The following PDE5A variants were observed in gnomAD, a reference collection of about 807,000 sequenced individuals.
The protein encoded by PDE5A is phosphodiesterase 5A.
Under a neutral mutation model 110.2 loss-of-function variants are expected in PDE5A, and 67 were observed. The observed-to-expected ratio is 0.61, with a 90% confidence interval of 0.50 to 0.75. The LOEUF is 0.75. PDE5A is among the 30% of genes least tolerant of loss of function. The pLI is 0.00. For missense variants in PDE5A, 862 were observed against 1,045.1 expected (o/e 0.82, Z 2.42); for synonymous variants, 328 against 351.2 (o/e 0.93, Z 0.74).
intron 14 of PDE5A, 42 bp from the exon 15 acceptor site, chr4:119,511,176 C>T (rs1414876938): frequency 1.7e-6 from 2 of 1,210,284 alleles, no homozygotes; most frequent in Non-Finnish European, 2.5e-6. Context: ...GATCAGTTTC[C>T]TTAATATGCC....
chr4:119,548,352 C>A (rs1359461678), intron 9 of PDE5A: 1 of 152,202 alleles, frequency 6.6e-6, no homozygotes, highest in Admixed American at 6.5e-5. Flanking sequence ...CCAGCCTTCT[C>A]CGTGTATTTT....
intron 3 of PDE5A, among the ~76,000 whole-genome samples, chr4:119,590,538 G>A (rs1344149135): frequency 6.6e-6 from 1 of 152,120 alleles, no homozygotes; most frequent in Non-Finnish European, 1.5e-5. Flanking sequence ...GAAGGGAGTA[G>A]GGAGAGGGGA....
chr4:119,590,303 C>CT (rs1200636603), intron 3 of PDE5A, among the ~76,000 whole-genome samples: 1 of 152,152 alleles, frequency 6.6e-6, no homozygotes, highest in African/African-American at 2.4e-5. Flanking sequence ...TTACTGTCTC[C>CT]TACATACAAG....
At chr4:119,531,181 C>CT (rs1726523135) in intron 11 of PDE5A, among the ~76,000 whole-genome samples, 1 of 152,250 alleles carries the variant, frequency 6.6e-6, no homozygotes, top group East Asian at 1.9e-4. Flanking sequence ...AAAGTTTACA[C>CT]TTTTTTTGTG....
chr4:119,626,125 A>T (rs1033646375), intron 1 of PDE5A, among the ~76,000 whole-genome samples: 1 of 152,210 alleles, frequency 6.6e-6, no homozygotes, highest in African/African-American at 2.4e-5. Context: ...TGCCAACATC[A>T]ACTGTAATTT....
intron 6 of PDE5A, among the ~76,000 whole-genome samples, chr4:119,561,603 CAA>C (rs1439495302): frequency 6.6e-6 from 1 of 152,002 alleles, no homozygotes; most frequent in East Asian, 1.9e-4. Context: ...GGTCATAGAG[CAA>C]AAATTACAGA....
chr4:119,538,197 A>G (rs933268249), intron 11 of PDE5A, among the ~76,000 whole-genome samples: 1 of 152,130 alleles, frequency 6.6e-6, no homozygotes, highest in African/African-American at 2.4e-5. Flanking sequence ...TGCAGTTTAC[A>G]TGAGAAGATG....
At chr4:119,589,725 T>G (rs1255971803) in intron 3 of PDE5A, among the ~76,000 whole-genome samples, 1 of 152,138 alleles carries the variant, frequency 6.6e-6, no homozygotes, top group Non-Finnish European at 1.5e-5. Flanking sequence ...TGGTAAAAAT[T>G]TTCTTATAAA....
chr4:119,625,932 C>T (rs1553931346), intron 1 of PDE5A, among the ~76,000 whole-genome samples: 1 of 152,174 alleles, frequency 6.6e-6, no homozygotes, highest in Non-Finnish European at 1.5e-5. Flanking sequence ...TCTGGCTACA[C>T]ACAAATTCTT....
In PDE5A at chr4:119,560,282, A is replaced by AT. The variant is rs1727701679; in HGVS notation, c.1199+13dup. ...ATCATGTGATAAAGACAAGTAGAGA[A>AT]TACGTGCTTTTACCTTGTTAATGTA... is the stretch of plus-strand genomic sequence containing the variant. On this transcript the variant is annotated intron_variant, in intron 7 of 20. Coordinates refer to ENST00000354960, the MANE Select transcript of PDE5A (RefSeq NM_001083.4). 6.8e-7 allele frequency: 1 copy of AT among 1,472,820 alleles called. No individual in the cohort carries two copies. The highest frequency in any genetic ancestry group is 9.4e-7 in the Non-Finnish European group (1 of 1,066,292). 91.2% of individuals were successfully genotyped at this position (1,472,820 alleles called of 1,614,324 possible).
At chr4:119,595,249 A>C (rs2110535787) in intron 3 of PDE5A, among the ~76,000 whole-genome samples, 1 of 152,322 alleles carries the variant, frequency 6.6e-6, no homozygotes, top group Middle Eastern at 3.4e-3. Context: ...AGAAGCATCA[A>C]GTACTTCTAA....
rs1725144446 is a variant in PDE5A, at chr4:119,498,054, T to A, written c.*547A>T. The A allele has an allele frequency of 6.6e-6, 1 of 152,354 alleles. No individual in the cohort carries two copies. Among genetic ancestry groups the A allele is most frequent in the Non-Finnish European group, 1.5e-5 (1 of 68,160 alleles). 9.4% of individuals were successfully genotyped at this position (152,354 alleles called of 1,614,324 possible). A position where few individuals can be genotyped will look rare whatever the true frequency, so the allele number is the denominator to read the frequency against. On this transcript the variant is annotated 3_prime_UTR_variant, in exon 21 of 21. Transcript: ENST00000354960. ...ATACAGTTTCATAGGACTTTCCATT[T>A]GTTTCAGAGTGCCTTAACTTTTTAA...
intron 3 of PDE5A, among the ~76,000 whole-genome samples, chr4:119,576,106 G>C (rs912176989): frequency 3.3e-5 from 5 of 151,516 alleles, no homozygotes; most frequent in Non-Finnish European, 7.4e-5. Flanking sequence ...TTACATAATG[G>C]TAAAGGGATC....
intron 3 of PDE5A, among the ~76,000 whole-genome samples, chr4:119,579,073 A>C (rs1255280682): frequency 6.6e-6 from 1 of 152,076 alleles, no homozygotes. Context: ...ATGCAGCCAA[A>C]AGACACATGA....
chr4:119,608,560 C>T (rs1729624222), intron 1 of PDE5A, among the ~76,000 whole-genome samples: 1 of 152,086 alleles, frequency 6.6e-6, no homozygotes, highest in Non-Finnish European at 1.5e-5. Flanking sequence ...AACTCCTCCT[C>T]CCAAAATGAA....
At chr4:119,563,853 T>C (rs897673946) in intron 5 of PDE5A, among the ~76,000 whole-genome samples, 5 of 152,092 alleles carry the variant, frequency 3.3e-5, no homozygotes, top group Admixed American at 1.3e-4. Context: ...AGGGAGAACA[T>C]TGCAGTTAAA....
Position 119,519,027 on chromosome 4 carries a change from T to G in PDE5A, c.2000+18A>C. On this transcript the variant is annotated intron_variant, in intron 14 of 20. Transcript: ENST00000354960. ...AATTAAAAGAAAACATTTTCTTGCT[T>G]TACTGGGAAAGTCTTACCGCTGTAT... 6.3e-7 allele frequency: 1 copy of G among 1,575,362 alleles called. No homozygotes were observed. The highest frequency in any genetic ancestry group is 8.7e-7 in the Non-Finnish European group (1 of 1,145,858).
At chr4:119,503,346 G>A (rs985216433) in intron 18 of PDE5A, among the ~76,000 whole-genome samples, 11 of 152,188 alleles carry the variant, frequency 7.2e-5, no homozygotes, top group Middle Eastern at 3.4e-3. Context: ...AGCCTGTATT[G>A]CCTCTGCAAA....
intron 14 of PDE5A, among the ~76,000 whole-genome samples, chr4:119,516,623 A>G (rs1242757204): frequency 6.7e-6 from 1 of 149,786 alleles, no homozygotes; most frequent in African/African-American, 2.4e-5. Context: ...ATCTGAGATC[A>G]TTCTTTTTTT....
Sources: allele counts gnomAD v4.1 joint callset (sites outside exome capture counted in the v4.1 genomes callset), GRCh38; gene constraint gnomAD v4.1.1; transcripts MANE v1.5; gene names NCBI Gene and HGNC (gene_info 2026-07-23, HGNC 2026-07-21).